The following RLIG1 variants were observed in gnomAD, a reference collection of about 807,000 sequenced individuals.
RLIG1 encodes the protein RNA 5'-phosphate and 3'-OH ligase 1, also known as RNA ligase 1.
the RLIG1 span, chr12:88,048,472 C>A: frequency 1.1e-6 from 1 of 927,426 alleles, no homozygotes; most frequent in Non-Finnish European, 1.5e-6. Context: ...GAATATTCTA[C>A]CATATTTAAA....
the RLIG1 span, chr12:88,048,864 G>GTA: frequency 5.0e-6 from 1 of 199,310 alleles, no homozygotes; most frequent in Non-Finnish European, 9.9e-6. Context: ...GTATAAATAA[G>GTA]TATATATAAA....
the RLIG1 span, chr12:88,043,549 C>G: frequency 8.1e-7 from 1 of 1,240,852 alleles, no homozygotes; most frequent in Admixed American, 2.4e-5. Flanking sequence ...TAGTATTTTA[C>G]GTTTTTTAAG....
At chr12:88,045,691 A>G in the RLIG1 span, 1 of 1,613,268 alleles carries the variant, frequency 6.2e-7, no homozygotes, top group Non-Finnish European at 8.5e-7. Flanking sequence ...ATGATTCTGG[A>G]CTTTTGGAAA....
chr12:88,038,134 C>G, the RLIG1 span, among the ~76,000 whole-genome samples: 1 of 152,196 alleles, frequency 6.6e-6, no homozygotes, highest in South Asian at 2.1e-4. Context: ...ATCTTGAGTA[C>G]TCATGGTGCA....
At chr12:88,046,532 G>C in the RLIG1 span, among the ~76,000 whole-genome samples, 1 of 124,688 alleles carries the variant, frequency 8.0e-6, no homozygotes, top group Non-Finnish European at 1.7e-5. Context: ...GGGTGCGGCT[G>C]TGTTCATGGA....
At chr12:88,048,361 A>AT in the RLIG1 span, 7 of 1,596,322 alleles carry the variant, frequency 4.4e-6, no homozygotes, top group African/African-American at 1.3e-5. Flanking sequence ...TTGTTTAATC[A>AT]TTTTTTAAAA....
chr12:88,048,752 T>G, the RLIG1 span: 4 of 199,388 alleles, frequency 2.0e-5, no homozygotes, highest in Non-Finnish European at 4.0e-5. Context: ...TCAATTTAAT[T>G]TTGCTAGATA....
the RLIG1 span, chr12:88,040,118 A>C: frequency 3.8e-5 from 46 of 1,224,026 alleles, no homozygotes; most frequent in Non-Finnish European, 5.2e-5. Context: ...TATCTATCTT[A>C]AACCGGTTTT....
At chr12:88,043,813 CATTA>C in the RLIG1 span, 1 of 818,244 alleles carries the variant, frequency 1.2e-6, no homozygotes, top group Non-Finnish European at 2.0e-6. Flanking sequence ...TCTGGGTCTT[CATTA>C]ATATGTATAG....
the RLIG1 span, chr12:88,042,198 C>T: frequency 6.6e-6 from 1 of 152,102 alleles, no homozygotes; most frequent in South Asian, 2.1e-4. Context: ...GCAAAATGGA[C>T]TCACAGCTGG....
the RLIG1 span, chr12:88,036,017 C>T: frequency 6.7e-7 from 1 of 1,484,542 alleles, no homozygotes. Flanking sequence ...TAACTCACAT[C>T]CACAGCATGT....
the RLIG1 span, among the ~76,000 whole-genome samples, chr12:88,047,638 T>G: frequency 6.6e-6 from 1 of 152,136 alleles, no homozygotes; most frequent in Non-Finnish European, 1.5e-5. Flanking sequence ...CCTCCAAAAA[T>G]AGTATCTTTC....
chr12:88,040,315 TCACTTTACAGTC>T, the RLIG1 span: 1 of 1,114,050 alleles, frequency 9.0e-7, no homozygotes. Flanking sequence ...TTTTTCTTAA[TCACTTTACAGTC>T]TATCTGAAAT....
the RLIG1 span, chr12:88,048,105 TA>T: frequency 0.012 from 5,046 of 426,384 alleles, no homozygotes; most frequent in South Asian, 0.019. Context: ...AGACCAGCTA[TA>T]AAAAAAAAAA....
chr12:88,044,507 TG>T, the RLIG1 span: 1 of 152,168 alleles, frequency 6.6e-6, no homozygotes, highest in Non-Finnish European at 1.5e-5. Context: ...AATACAAAAA[TG>T]AAGGTCAGAA....
At chr12:88,046,191 G>T in the RLIG1 span, among the ~76,000 whole-genome samples, 3 of 152,136 alleles carry the variant, frequency 2.0e-5, no homozygotes, top group African/African-American at 4.8e-5. Flanking sequence ...ATATCATGAT[G>T]AATTGAGTGC....
chr12:88,037,673 T>C, the RLIG1 span, among the ~76,000 whole-genome samples: 1 of 152,198 alleles, frequency 6.6e-6, no homozygotes, highest in African/African-American at 2.4e-5. Context: ...TACTAGACGA[T>C]TATATTTTAA....
the RLIG1 span, among the ~76,000 whole-genome samples, chr12:88,047,272 T>G: frequency 6.6e-6 from 1 of 152,130 alleles, no homozygotes; most frequent in Admixed American, 6.6e-5. Flanking sequence ...TTGTACTAAC[T>G]TAACTCAGCA....
the RLIG1 span, chr12:88,049,233 T>A: frequency 6.2e-7 from 1 of 1,608,648 alleles, no homozygotes; most frequent in Non-Finnish European, 8.5e-7. Context: ...TTCAAACTCT[T>A]CAGAAGCAGC....
Sources: allele counts gnomAD v4.1 joint callset (sites outside exome capture counted in the v4.1 genomes callset), GRCh38; gene constraint gnomAD v4.1.1; transcripts MANE v1.5; gene names NCBI Gene and HGNC (gene_info 2026-07-23, HGNC 2026-07-21).